Variants in TTLL11 observed in about 807,000 individuals in gnomAD.
The protein encoded by TTLL11 is tubulin polyglutamylase TTLL11.
A neutral mutation model predicts 51.7 loss-of-function variants in TTLL11; 42 were observed. That is an observed-to-expected ratio of 0.81 (90% CI 0.64 to 1.05). TTLL11 has a LOEUF of 1.05. TTLL11 is among the 50% of genes least tolerant of loss of function. The probability of loss-of-function intolerance (pLI) is 0.00; values close to 1 mark genes in which losing one functional copy is unlikely to be tolerated. For missense variants in TTLL11, 799 were observed against 940.4 expected (o/e 0.85, Z 1.97); for synonymous variants, 381 against 383.5 (o/e 0.99, Z 0.08).
At chr9:121,889,347 G>C (rs1839133673) in intron 6 of TTLL11, among the ~76,000 whole-genome samples, 1 of 152,232 alleles carries the variant, frequency 6.6e-6, no homozygotes, top group South Asian at 2.1e-4. Flanking sequence ...AAATTACTTG[G>C]AATACTTTTT....
intron 1 of TTLL11, among the ~76,000 whole-genome samples, chr9:122,080,757 A>G (rs1845985897): frequency 6.6e-6 from 1 of 152,180 alleles, no homozygotes; most frequent in Non-Finnish European, 1.5e-5. Flanking sequence ...TTCCTGAATA[A>G]TTTTTAATAG....
At chr9:121,902,759 C>G (rs1039818285) in intron 6 of TTLL11, among the ~76,000 whole-genome samples, 1 of 152,042 alleles carries the variant, frequency 6.6e-6, no homozygotes, top group Non-Finnish European at 1.5e-5. Flanking sequence ...AACAGCAGAC[C>G]CAGGGCCACA....
At chr9:121,862,291 C>T (rs1002567280) in intron 7 of TTLL11, among the ~76,000 whole-genome samples, 5 of 152,058 alleles carry the variant, frequency 3.3e-5, no homozygotes, top group African/African-American at 7.2e-5. Context: ...TCTTTTCTAG[C>T]TGTGTGACTG....
chr9:122,083,905 G>A (rs1846057298), intron 1 of TTLL11, among the ~76,000 whole-genome samples: 1 of 152,172 alleles, frequency 6.6e-6, no homozygotes, highest in African/African-American at 2.4e-5. Context: ...GGAAAGGGAG[G>A]GGGATGGGGT....
chr9:121,925,655 G>A (rs1840701505), intron 6 of TTLL11, among the ~76,000 whole-genome samples: 1 of 152,162 alleles, frequency 6.6e-6, no homozygotes, highest in South Asian at 2.1e-4. Context: ...AGGTTCCCAT[G>A]CCAAGGCTCT....
intron 1 of TTLL11, among the ~76,000 whole-genome samples, chr9:122,064,968 T>C (rs1845539323): frequency 1.3e-5 from 2 of 152,134 alleles, no homozygotes; most frequent in South Asian, 4.1e-4. Context: ...TGTAAGATAA[T>C]GTGAGCCTTG....
At chr9:121,860,746 C>T (rs2131380601) in intron 7 of TTLL11, among the ~76,000 whole-genome samples, 1 of 152,342 alleles carries the variant, frequency 6.6e-6, no homozygotes, top group Admixed American at 6.5e-5. Context: ...GAATTGGGTC[C>T]TCACCAGACA....
At chr9:122,039,646 T>C (rs893174017) in intron 1 of TTLL11, among the ~76,000 whole-genome samples, 1 of 152,148 alleles carries the variant, frequency 6.6e-6, no homozygotes, top group Non-Finnish European at 1.5e-5. Context: ...TCCTTATAAC[T>C]ACCCTATAAA....
At chr9:121,899,378 CAT>C (rs747040027) in intron 6 of TTLL11, among the ~76,000 whole-genome samples, 1,326 of 130,402 alleles carry the variant, frequency 0.01, 25 homozygotes, top group Middle Eastern at 0.037. Context: ...TATATATATA[CAT>C]ATATATATAT....
intron 6 of TTLL11, among the ~76,000 whole-genome samples, chr9:121,965,535 C>T (rs768908009): frequency 6.6e-6 from 1 of 152,136 alleles, no homozygotes. Context: ...GGATTACAAT[C>T]CGAGATGAGA....
intron 6 of TTLL11, among the ~76,000 whole-genome samples, chr9:121,972,692 A>C (rs937569381): frequency 6.6e-6 from 1 of 152,256 alleles, no homozygotes; most frequent in Non-Finnish European, 1.5e-5. Flanking sequence ...GCTGCACAGC[A>C]GAATCACCTA....
At chr9:122,014,594 CTA>C (rs774191645) in intron 3 of TTLL11, among the ~76,000 whole-genome samples, 3 of 152,252 alleles carry the variant, frequency 2.0e-5, no homozygotes, top group East Asian at 3.9e-4. Context: ...GAAGCCAAGA[CTA>C]TATGTTTTGT....
chr9:122,006,399 T>A (rs1489448956), intron 3 of TTLL11, among the ~76,000 whole-genome samples: 2 of 151,374 alleles, frequency 1.3e-5, no homozygotes, highest in East Asian at 3.9e-4. Context: ...TTTTTCTGGA[T>A]TTTTTTTTAG....
intron 6 of TTLL11, among the ~76,000 whole-genome samples, chr9:121,885,788 G>A (rs115738602): frequency 0.021 from 3,152 of 152,234 alleles, 76 homozygotes; most frequent in African/African-American, 0.056. Context: ...GACTGCAATG[G>A]TGTGATTATG....
intron 3 of TTLL11, among the ~76,000 whole-genome samples, chr9:122,027,682 A>G (rs1397562300): frequency 6.6e-6 from 1 of 152,202 alleles, no homozygotes; most frequent in Non-Finnish European, 1.5e-5. Context: ...AACTGAAGGC[A>G]AAATAAAGAC....
intron 8 of TTLL11, among the ~76,000 whole-genome samples, chr9:121,852,405 G>A (rs746157550): frequency 3.9e-5 from 6 of 152,124 alleles, no homozygotes; most frequent in Non-Finnish European, 7.3e-5. Context: ...ATTGAAACCC[G>A]GCCTGTCTAA....
At chr9:121,987,165 G>T (rs1842962281) in intron 4 of TTLL11, among the ~76,000 whole-genome samples, 1 of 152,132 alleles carries the variant, frequency 6.6e-6, no homozygotes. Context: ...TCAGGGTAAT[G>T]TCTACCCCAG....
chr9:122,009,447 T>G (rs187838401), intron 3 of TTLL11, among the ~76,000 whole-genome samples: 97 of 152,044 alleles, frequency 6.4e-4, no homozygotes, highest in Admixed American at 2.2e-3. Context: ...TTTTTTGATG[T>G]GAAAATCTAA....
At chr9:121,859,936 C>A (rs1465011213) in intron 8 of TTLL11, among the ~76,000 whole-genome samples, 1 of 152,238 alleles carries the variant, frequency 6.6e-6, no homozygotes, top group African/African-American at 2.4e-5. Context: ...AGCCAGGCAT[C>A]CTACTACCTA....
Sources: allele counts gnomAD v4.1 joint callset (sites outside exome capture counted in the v4.1 genomes callset), GRCh38; gene constraint gnomAD v4.1.1; transcripts MANE v1.5; gene names NCBI Gene and HGNC (gene_info 2026-07-23, HGNC 2026-07-21).